MAST4: variants seen among roughly 807,000 people sequenced by gnomAD.
The protein encoded by MAST4 is microtubule associated serine/threonine kinase family member 4.
Under a neutral mutation model 162.7 loss-of-function variants are expected in MAST4, and 89 were observed. That is an observed-to-expected ratio of 0.55 (90% confidence interval 0.46 to 0.65). MAST4 has a LOEUF of 0.65. Among genes scored for constraint, MAST4 ranks in the 30% least tolerant of loss-of-function variants. The probability of loss-of-function intolerance (pLI) is 0.00; values close to 1 mark genes in which losing one functional copy is unlikely to be tolerated. For missense variants in MAST4, 3,153 were observed against 3,374.0 expected, an observed-to-expected ratio of 0.93 and a Z score of 1.62; for synonymous variants, 1,479 against 1,361.1, an observed-to-expected ratio of 1.09 and a Z score of -1.91.
chr5:66,786,953 A>G (rs927380756), intron 2 of MAST4, among the ~76,000 whole-genome samples: 1 of 151,810 alleles, frequency 6.6e-6, no homozygotes, highest in African/African-American at 2.4e-5. Context: ...TCAGTATCAC[A>G]TTTTTTTTGC....
At chr5:67,122,446 G>A (rs1165743532) in intron 14 of MAST4, among the ~76,000 whole-genome samples, 2 of 152,102 alleles carry the variant, frequency 1.3e-5, no homozygotes, top group African/African-American at 4.8e-5. Context: ...GCTTTCTGAT[G>A]TTGTATTTTT....
intron 1 of MAST4, among the ~76,000 whole-genome samples, chr5:66,607,878 T>G (rs1561209175): frequency 6.6e-6 from 1 of 152,204 alleles, no homozygotes; most frequent in African/African-American, 2.4e-5. Flanking sequence ...GACTTGATAA[T>G]TGGTGTTTTC....
intron 1 of MAST4, among the ~76,000 whole-genome samples, chr5:66,675,549 A>G (rs78622969): frequency 0.027 from 4,114 of 152,268 alleles, 202 homozygotes; most frequent in African/African-American, 0.092. Context: ...CTGATTGAGC[A>G]TCTGAATCCA....
intron 1 of MAST4, among the ~76,000 whole-genome samples, chr5:66,726,491 T>A (rs1751527856): frequency 6.6e-6 from 1 of 152,048 alleles, no homozygotes; most frequent in Non-Finnish European, 1.5e-5. Flanking sequence ...TGCAGTTGAA[T>A]TTGGAAGATG....
At position 67,163,808 on chromosome 5, in the gene MAST4, C is replaced by A; in HGVS notation, c.4629C>A (p.Gly1543=). 6.2e-7 allele frequency: 1 copy of A among 1,612,782 alleles called. No individual in the cohort carries two copies. The highest frequency in any genetic ancestry group is 1.1e-5 in the South Asian group (1 of 90,790). The change falls in exon 29 of 29, where the codon GGC becomes GGA. Residue 1543 remains glycine (G), a synonymous_variant. Coordinates refer to ENST00000403625, the MANE Select transcript of MAST4 (RefSeq NM_001164664.2). The surrounding 1 kb of genome is among the most constrained non-coding windows in gnomAD (Gnocchi z 7.0). The part of the protein sequence containing the change: ...KAKVVVKKAD[G]FPEKQESHQK... ...AGGTGGTGGTGAAGAAAGCAGACGGCTTCCCAGAGAAACAGGAATCCCACC... is the reference window on the plus strand; with the variant it reads ...AGGTGGTGGTGAAGAAAGCAGACGGATTCCCAGAGAAACAGGAATCCCACC...
At chr5:67,142,045 C>T in intron 19 of MAST4, 70 bp from the exon 20 acceptor site, 1 of 1,487,402 alleles carries the variant, frequency 6.7e-7, no homozygotes. Flanking sequence ...TTGTTAAAAA[C>T]TGATGTTTGC....
At chr5:66,990,542 G>C (rs1561509482) in intron 4 of MAST4, among the ~76,000 whole-genome samples, 1 of 152,196 alleles carries the variant, frequency 6.6e-6, no homozygotes, top group African/African-American at 2.4e-5. Flanking sequence ...AAGAGGGTGA[G>C]GTGGGAAGAT....
At chr5:66,911,558 ACCCCC>A (rs59771853) in intron 4 of MAST4, among the ~76,000 whole-genome samples, 711 of 18,060 alleles carry the variant, frequency 0.039, 36 homozygotes, top group South Asian at 0.088. Flanking sequence ...AACAACAACA[ACCCCC>A]CCCCCCCCCC....
rs866392344 is a variant in MAST4 at position 67,108,618 on chromosome 5, C to T, written c.1357-1480C>T. ...TGTTCTTTGAACACTTTCTGTTCTA[C>T]GATTATTCACCAATGGTCATTTTTC... On this transcript the variant is annotated intron_variant, in intron 10 of 28. Transcript: ENST00000403625. Among the ~76,000 whole-genome samples the T allele has an allele frequency of 1.3e-4, 20 of 152,192 alleles. No individual in the cohort carries two copies. In the Middle Eastern group the frequency reaches 0.014, roughly 104 times the overall value.
At chr5:66,778,891 C>T (rs181231181) in intron 2 of MAST4, among the ~76,000 whole-genome samples, 13 of 152,270 alleles carry the variant, frequency 8.5e-5, no homozygotes, top group Middle Eastern at 3.4e-3. Context: ...TTTCACCCAT[C>T]CCTAGTTCTC....
chr5:66,889,036 C>T (rs1251341407), intron 3 of MAST4, among the ~76,000 whole-genome samples: 1 of 152,220 alleles, frequency 6.6e-6, no homozygotes, highest in Non-Finnish European at 1.5e-5. Context: ...ACTATATTAA[C>T]TAGCTTTTTA....
chr5:66,657,923 A>C (rs1746655691), intron 1 of MAST4, among the ~76,000 whole-genome samples: 1 of 152,222 alleles, frequency 6.6e-6, no homozygotes, highest in African/African-American at 2.4e-5. Flanking sequence ...ATACTTCTTA[A>C]AATCCTCCAT....
At chr5:66,692,984 ATTTTT>A (rs10711722) in intron 1 of MAST4, among the ~76,000 whole-genome samples, 3 of 133,152 alleles carry the variant, frequency 2.3e-5, no homozygotes, top group Non-Finnish European at 3.3e-5. Context: ...TAAAGTTTGT[ATTTTT>A]TTTTTTTTTT....
chr5:66,987,248 G>T (rs550912473), intron 4 of MAST4, among the ~76,000 whole-genome samples: 2 of 152,122 alleles, frequency 1.3e-5, no homozygotes, highest in East Asian at 3.9e-4. Context: ...CTTTACAGAC[G>T]AAAAAGGAGT....
rs576431629 is a variant in MAST4 at position 67,152,701 on chromosome 5, T to A, written c.3360T>A (p.Ser1120=). Residue 1120 remains serine, a synonymous_variant, in exon 25 of 29, where the codon TCT becomes TCA. Transcript: ENST00000403625. The part of the protein sequence containing the change: ...MSPHSLSSDP[S]SSRDSSPSRD... ...CCCATTCCCTGTCCTCGGACCCTTC[T>A]TCTTCACGAGATTCCTCTCCCAGCC... The A allele has an allele frequency of 6.2e-7, 1 of 1,614,068 alleles. No homozygotes were observed. Among genetic ancestry groups the A allele is most frequent in the Admixed American group, 1.7e-5 (1 of 60,036 alleles).
chr5:67,079,776 G>T (rs966543812), intron 5 of MAST4, among the ~76,000 whole-genome samples: 4 of 152,118 alleles, frequency 2.6e-5, no homozygotes, highest in Non-Finnish European at 5.9e-5. Flanking sequence ...ATCGAAGGTT[G>T]CCCCTGCAAA....
chr5:66,770,468 T>C (rs540850160), intron 2 of MAST4, among the ~76,000 whole-genome samples: 1 of 152,168 alleles, frequency 6.6e-6, no homozygotes, highest in African/African-American at 2.4e-5. Context: ...TACCGATGAG[T>C]CATTGCCCCT....
In MAST4 at chr5:67,149,601, C is replaced by A; in HGVS notation, c.3295+12C>A. On this transcript the variant is annotated intron_variant, in intron 24 of 28. Coordinates refer to ENST00000403625, the MANE Select transcript of MAST4 (RefSeq NM_001164664.2). ...CATGATCCCAGGAGGTAGAGAGATA[C>A]TACTTGCATGAAATTGTGTGATTTG... The A allele has an allele frequency of 6.2e-7, 1 of 1,611,630 alleles. No homozygotes were observed. Among genetic ancestry groups the A allele is most frequent in the Non-Finnish European group, 8.5e-7 (1 of 1,178,506 alleles).
At chr5:66,727,602 C>T (rs751953069) in intron 1 of MAST4, among the ~76,000 whole-genome samples, 5 of 152,096 alleles carry the variant, frequency 3.3e-5, no homozygotes, top group Non-Finnish European at 7.4e-5. Context: ...CTTCTTGAGC[C>T]AACTGATGGC....
Sources: gnomAD v4.1 joint callset for allele counts (sites outside exome capture counted in the v4.1 genomes callset) on GRCh38, gnomAD v4.1.1 for gene constraint, Gnocchi (gnomAD v3.1) non-coding constraint, MANE v1.5 for transcripts, NCBI Gene and HGNC (gene_info 2026-07-23, HGNC 2026-07-21) for gene names.